PRDM1: variants seen among roughly 807,000 people sequenced by gnomAD.
PRDM1 encodes PR domain zinc finger protein 1.
Under a neutral mutation model 62.8 loss-of-function variants are expected in PRDM1, and 13 were observed. That is an observed-to-expected ratio of 0.21 (90% confidence interval 0.13 to 0.33). The LOEUF (loss-of-function observed/expected upper bound fraction) is 0.33. Ranked by LOEUF, PRDM1 falls within the 10% of genes least tolerant of loss-of-function variation. The pLI is 1.00. For missense variants in PRDM1, 895 were observed against 1,058.8 expected, an observed-to-expected ratio of 0.85 and a Z score of 2.15; for synonymous variants, 396 against 417.6, an observed-to-expected ratio of 0.95 and a Z score of 0.63.
rs764861583 is a variant in PRDM1 at position 106,106,388 on chromosome 6, C to T, written c.1791C>T (p.His597=). The change falls in exon 6 of 7, where the codon CAC becomes CAT. Residue 597 remains histidine, a synonymous_variant. Coordinates refer to ENST00000369096, the MANE Select transcript of PRDM1 (RefSeq NM_001198.4). The surrounding 1 kb of genome is among the most constrained non-coding windows in gnomAD (Gnocchi z 4.4). ...CTTCCCAGGTCCACCTGAGAGTGCACAGTGGAGAACGGCCTTTCAAATGTC... is the reference window on the plus strand; with the variant it reads ...CTTCCCAGGTCCACCTGAGAGTGCATAGTGGAGAACGGCCTTTCAAATGTC... The part of the protein sequence containing the change: ...LSNLKVHLRV[H]SGERPFKCQT... 1.9e-6 allele frequency: 3 copies of T among 1,614,166 alleles called. No individual in the cohort carries two copies. The East Asian group carries it at 6.7e-5, about 36-fold the overall frequency.
chr6:106,066,849 CA>C (rs1388838334), intron 1 of PRDM1, among the ~76,000 whole-genome samples: 8 of 152,152 alleles, frequency 5.3e-5, no homozygotes, highest in African/African-American at 1.9e-4. Context: ...ATATCTACTG[CA>C]ACACTGTTCT....
chr6:106,023,996 G>A (rs561160678), intron 1 of PRDM1, among the ~76,000 whole-genome samples: 8 of 152,210 alleles, frequency 5.3e-5, no homozygotes, highest in African/African-American at 1.9e-4. Flanking sequence ...TTACAAATTA[G>A]CCAGGCATGG....
Position 106,099,287 on chromosome 6 carries a change from C to T in PRDM1, c.412-13C>T, listed in dbSNP as rs760737914. The T allele has an allele frequency of 9.3e-6, 15 of 1,613,228 alleles. No homozygotes were observed. Among genetic ancestry groups the T allele is most frequent in the Non-Finnish European group, 1.2e-5 (14 of 1,179,360 alleles). On this transcript the variant is annotated splice_polypyrimidine_tract_variant and intron_variant, in intron 3 of 6. Transcript: ENST00000369096. ...TGACTTCCTTTTACATGCCTGTCTT[C>T]TCTTTTGGACAGATCTATTCCAGAG...
rs762887270 is a variant in PRDM1 at position 106,106,414 on chromosome 6, A to T, written c.1817A>T (p.Gln606Leu). ...VHSGERPFKC[Q>L]TCNKGFTQLA... ...AGTGGAGAACGGCCTTTCAAATGTC[A>T]GACTTGCAACAAGGGCTTTACTCAG... Residue 606 changes from glutamine (Q) to leucine (L), a missense_variant, in exon 6 of 7, where the codon CAG (glutamine) becomes CTG (leucine). Around this residue, in one of 4 missense-constraint regions of PRDM1, gnomAD observed 74 missense variants for 172.4 expected, o/e 0.43. Transcript: ENST00000369096. The surrounding 1 kb of genome is among the most constrained non-coding windows in gnomAD (Gnocchi z 4.4). 4 of 1,614,094 alleles carry T rather than the reference A, an allele frequency of 2.5e-6. No homozygotes were observed. In the East Asian group the frequency reaches 8.9e-5, roughly 36 times the overall value.
chr6:106,095,186 C>G (rs1372625055), intron 2 of PRDM1, among the ~76,000 whole-genome samples: 1 of 152,140 alleles, frequency 6.6e-6, no homozygotes, highest in Non-Finnish European at 1.5e-5. Context: ...TTTTATTCCC[C>G]TCAAGCACAC....
intron 4 of PRDM1, among the ~76,000 whole-genome samples, chr6:106,101,668 T>A (rs1331267841): frequency 1.3e-5 from 2 of 152,208 alleles, no homozygotes; most frequent in East Asian, 3.8e-4. Context: ...TGATTGAGAC[T>A]GTGATCAGGA....
intron 1 of PRDM1, among the ~76,000 whole-genome samples, chr6:106,029,528 G>A (rs544239234): frequency 4.6e-5 from 7 of 152,242 alleles, no homozygotes; most frequent in South Asian, 2.1e-4. Context: ...ATGTTGTTGC[G>A]TGGATCAAGA....
intron 1 of PRDM1, among the ~76,000 whole-genome samples, chr6:106,074,730 T>C (rs1773574228): frequency 3.3e-5 from 5 of 152,172 alleles, no homozygotes; most frequent in Admixed American, 2.6e-4. Context: ...ATCCCAGCAC[T>C]TTGGGAGGCC....
At chr6:106,077,641 G>A (rs1773624820) in intron 1 of PRDM1, among the ~76,000 whole-genome samples, 2 of 152,248 alleles carry the variant, frequency 1.3e-5, no homozygotes, top group Admixed American at 6.5e-5. Context: ...TCATATGAAT[G>A]AATGTTTAAT....
At chr6:106,012,246 ACC>A (rs1183381220) in intron 1 of PRDM1, among the ~76,000 whole-genome samples, 1 of 145,088 alleles carries the variant, frequency 6.9e-6, no homozygotes, top group Admixed American at 6.9e-5. Flanking sequence ...ACACAAACAT[ACC>A]ACACACACCA....
At position 106,099,377 on chromosome 6, in the gene PRDM1, T is replaced by A. The variant is rs747712593; in HGVS notation, c.489T>A (p.Asn163Lys). ...AAAGCAACTGGATGCGCTATGTGAA[T>A]CCAGCACACTCTCCCCGGGAGCAAA... ...EEKSNWMRYV[N>K]PAHSPREQNL... The change falls in exon 4 of 7, where the codon AAT becomes AAA. Residue 163 changes from asparagine to lysine, a missense_variant. By Grantham distance (94) the Asn-to-Lys change is moderately conservative. This residue lies in a region of PRDM1 where 213 missense variants were observed against 283.9 expected (regional missense o/e 0.75). Coordinates refer to ENST00000369096, the MANE Select transcript of PRDM1 (RefSeq NM_001198.4). The A allele has an allele frequency of 6.2e-7, 1 of 1,614,168 alleles. No homozygotes were observed. The highest frequency in any genetic ancestry group is 8.5e-7 in the Non-Finnish European group (1 of 1,180,028).
At chr6:106,059,320 C>T (rs2114591207) in intron 1 of PRDM1, among the ~76,000 whole-genome samples, 1 of 152,216 alleles carries the variant, frequency 6.6e-6, no homozygotes, top group South Asian at 2.1e-4. Context: ...GAGGAGGTGG[C>T]ATTTGAGTAG....
At chr6:106,044,508 A>G (rs1028798934), upstream of PRDM1, among the ~76,000 whole-genome samples, 4 of 152,218 alleles carry the variant, frequency 2.6e-5, no homozygotes, top group Non-Finnish European at 5.9e-5. Flanking sequence ...GAGGAGCAGC[A>G]GTACTGTTCA....
intron 1 of PRDM1, among the ~76,000 whole-genome samples, chr6:105,998,890 CATATATATATATATATATATAT>C (rs202209129): frequency 6.0e-5 from 6 of 100,222 alleles, no homozygotes; most frequent in African/African-American, 1.6e-4. Flanking sequence ...AAAGTTAATA[CATATATATATATATATATATAT>C]ATATATATAT....
chr6:106,046,865 T>A (rs1474813031), upstream of PRDM1: 1 of 152,154 alleles, frequency 6.6e-6, no homozygotes, highest in Non-Finnish European at 1.5e-5. Flanking sequence ...AAATTCGGGG[T>A]TAAGAAATTC....
At chr6:106,080,647 T>C (rs1773679959) in intron 1 of PRDM1, among the ~76,000 whole-genome samples, 1 of 152,188 alleles carries the variant, frequency 6.6e-6, no homozygotes, top group South Asian at 2.1e-4. Context: ...TTTATCAGCT[T>C]TAATTGTCTA....
intron 1 of PRDM1, among the ~76,000 whole-genome samples, chr6:106,029,024 G>A (rs1199936524): frequency 2.7e-5 from 4 of 149,938 alleles, no homozygotes; most frequent in East Asian, 4.0e-4. Context: ...GGGTTCAAGC[G>A]ATTCTCCTGC....
At chr6:106,066,098 C>T (rs1293201824) in intron 1 of PRDM1, among the ~76,000 whole-genome samples, 2 of 152,198 alleles carry the variant, frequency 1.3e-5, no homozygotes, top group Non-Finnish European at 2.9e-5. Flanking sequence ...AGCCGCCCTG[C>T]CTAACCACCC....
intron 1 of PRDM1, among the ~76,000 whole-genome samples, chr6:106,074,673 G>C (rs749667355): frequency 4.3e-4 from 65 of 152,196 alleles, no homozygotes; most frequent in Admixed American, 9.2e-4. Flanking sequence ...GGGGACGAGG[G>C]GGGATATAAA....
Sources: gnomAD v4.1 joint callset for allele counts (sites outside exome capture counted in the v4.1 genomes callset) on GRCh38, gnomAD v4.1.1 for gene constraint, gnomAD v4.1.1 regional missense constraint, Gnocchi (gnomAD v3.1) non-coding constraint, MANE v1.5 for transcripts, NCBI Gene and HGNC (gene_info 2026-07-23, HGNC 2026-07-21) for gene names.